Variants in TCERG1L observed in about 807,000 individuals in gnomAD.
TCERG1L encodes the protein transcription elongation regulator 1-like protein.
TCERG1L carries 37 observed loss-of-function variants against 56.3 expected under a neutral mutation model. That is an observed-to-expected ratio of 0.66 (90% CI 0.51 to 0.87). The LOEUF (loss-of-function observed/expected upper bound fraction) is 0.87. Among genes scored for constraint, TCERG1L ranks in the 40% least tolerant of loss-of-function variants. TCERG1L has a pLI of 0.00. For synonymous variants in TCERG1L, 324 were observed against 326.3 expected, an observed-to-expected ratio of 0.99 and a Z score of 0.08; for missense variants, 799 against 774.2, an observed-to-expected ratio of 1.03 and a Z score of -0.38.
chr10:131,201,961 T>C (rs1042288028), intron 4 of TCERG1L, among the ~76,000 whole-genome samples: 5 of 152,212 alleles, frequency 3.3e-5, no homozygotes, highest in Non-Finnish European at 4.4e-5. Flanking sequence ...CAGGGCCACG[T>C]GGGGGTCACG....
intron 7 of TCERG1L, among the ~76,000 whole-genome samples, chr10:131,136,589 G>C (rs545343400): frequency 6.6e-6 from 1 of 151,976 alleles, no homozygotes; most frequent in African/African-American, 2.4e-5. Flanking sequence ...TCCACTTTCC[G>C]GGCTCAAGCA....
chr10:131,095,563 A>G (rs1845237198), intron 11 of TCERG1L: 1 of 152,226 alleles, frequency 6.6e-6, no homozygotes, highest in South Asian at 2.1e-4. Flanking sequence ...TGCCTACAGA[A>G]AAGTATACAG....
chr10:131,289,924 T>C (rs2918120), intron 3 of TCERG1L, among the ~76,000 whole-genome samples: 2 of 6,148 alleles, frequency 3.3e-4, no homozygotes, highest in Non-Finnish European at 5.0e-4. Context: ...ATGTGTGCAC[T>C]GCTGTGTGTG....
intron 4 of TCERG1L, among the ~76,000 whole-genome samples, chr10:131,258,877 T>G (rs1358237259): frequency 6.6e-6 from 1 of 152,198 alleles, no homozygotes; most frequent in Non-Finnish European, 1.5e-5. Context: ...AGCTTTTGGT[T>G]CTAAGATTAA....
intron 4 of TCERG1L, among the ~76,000 whole-genome samples, chr10:131,255,756 C>CA (rs1268924647): frequency 6.6e-6 from 1 of 152,208 alleles, no homozygotes; most frequent in Non-Finnish European, 1.5e-5. Flanking sequence ...CGCGAGGTCC[C>CA]AGGAGCATCG....
intron 4 of TCERG1L, among the ~76,000 whole-genome samples, chr10:131,250,585 A>T (rs1033700419): frequency 6.6e-6 from 1 of 152,124 alleles, no homozygotes; most frequent in Admixed American, 6.5e-5. Context: ...GCTGTCACTC[A>T]TCGCTTGCCT....
At chr10:131,277,063 A>G (rs1026264981) in intron 3 of TCERG1L, among the ~76,000 whole-genome samples, 20 of 152,194 alleles carry the variant, frequency 1.3e-4, no homozygotes, top group Non-Finnish European at 2.8e-4. Flanking sequence ...TGCTATCCTA[A>G]GCGAGACGAG....
chr10:131,277,774 G>A (rs1226870634), intron 3 of TCERG1L, among the ~76,000 whole-genome samples: 1 of 152,184 alleles, frequency 6.6e-6, no homozygotes, highest in Non-Finnish European at 1.5e-5. Context: ...GATGAGCCCT[G>A]AGGACATCTG....
intron 4 of TCERG1L, among the ~76,000 whole-genome samples, chr10:131,213,881 G>A (rs1320218452): frequency 2.0e-5 from 3 of 152,154 alleles, no homozygotes; most frequent in Non-Finnish European, 4.4e-5. Flanking sequence ...CGGCCCAGCA[G>A]GAAACCCTGT....
chr10:131,299,214 C>T (rs1846731428), intron 3 of TCERG1L, among the ~76,000 whole-genome samples: 1 of 152,060 alleles, frequency 6.6e-6, no homozygotes. Flanking sequence ...ACTCTGTCTT[C>T]TTATAAAAAG....
chr10:131,159,923 C>T (rs1215594844), intron 6 of TCERG1L, among the ~76,000 whole-genome samples: 2 of 152,154 alleles, frequency 1.3e-5, no homozygotes, highest in Non-Finnish European at 2.9e-5. Context: ...GCAAACCCAC[C>T]CTCTGAGGTC....
chr10:131,247,862 T>C (rs1355027182), intron 4 of TCERG1L, among the ~76,000 whole-genome samples: 1 of 152,088 alleles, frequency 6.6e-6, no homozygotes, highest in East Asian at 1.9e-4. Flanking sequence ...TCACAAACAC[T>C]GTAAATTCAC....
In TCERG1L at chr10:131,113,637, G is replaced by C. The variant is rs1456682934; in HGVS notation, c.1395+3162C>G. The stretch of plus-strand genomic sequence containing the variant: ...TCACTCCATTGCAGACGTGGTACCA[G>C]GGCTCTCCTGTGTAGCCCACCACAG... On this transcript the variant is annotated intron_variant, in intron 9 of 11. Coordinates refer to ENST00000368642, the MANE Select transcript of TCERG1L (RefSeq NM_174937.4). Among the ~76,000 whole-genome samples the C allele has an allele frequency of 1.4e-5, 2 of 141,924 alleles. 1 individual carries two copies. Among genetic ancestry groups the C allele is most frequent in the Non-Finnish European group, 3.2e-5 (2 of 63,142 alleles). 93.1% of individuals were successfully genotyped at this position (141,924 alleles called of 152,430 possible). A position where few individuals can be genotyped will look rare whatever the true frequency, so the allele number is the denominator to read the frequency against.
At chr10:131,121,150 G>A (rs988551124) in intron 8 of TCERG1L, among the ~76,000 whole-genome samples, 1 of 152,154 alleles carries the variant, frequency 6.6e-6, no homozygotes, top group Non-Finnish European at 1.5e-5. Context: ...AACATGAGCA[G>A]GGAAGAGACA....
chr10:131,159,667 A>G (rs1269463095), intron 6 of TCERG1L, among the ~76,000 whole-genome samples: 1 of 149,524 alleles, frequency 6.7e-6, no homozygotes, highest in Non-Finnish European at 1.5e-5. Context: ...AATCAGGTGA[A>G]ATAGGCATAG....
In TCERG1L at chr10:131,146,656, C is replaced by T; in HGVS notation, c.1039G>A (p.Val347Met). The T allele has an allele frequency of 6.2e-7, 1 of 1,610,838 alleles. No individual in the cohort carries two copies. The highest frequency in any genetic ancestry group is 8.5e-7 in the Non-Finnish European group (1 of 1,178,264). ...STPVPGSPWC[V>M]VWTGDDRVFF... ...ACTCGGTCATCGCCCGTCCAGACCA[C>T]ACACCTGTTTGAGTGGAAAAACTCA... The change falls in exon 7 of 12, where the codon GTG becomes ATG. Residue 347 changes from valine to methionine, a missense_variant. By Grantham distance (21) the Val-to-Met change is conservative (BLOSUM62 1). Coordinates refer to ENST00000368642, the MANE Select transcript of TCERG1L (RefSeq NM_174937.4).
chr10:131,111,585 A>C lies in TCERG1L; in HGVS notation c.1395+5214T>G, dbSNP rs1564793826. ...TTTATGAGTGCAAACGTCCTAAGGA[A>C]GGAAGCAATCTGTCACAATTACCCT... On this transcript the variant is annotated intron_variant, in intron 9 of 11. Transcript: ENST00000368642. Among the ~76,000 whole-genome samples, 2 of 142,748 alleles carry C rather than the reference A, an allele frequency of 1.4e-5. 1 individual carries two copies. The highest frequency in any genetic ancestry group is 3.2e-5 in the Non-Finnish European group (2 of 63,458). 93.6% of individuals were successfully genotyped at this position (142,748 alleles called of 152,430 possible).
chr10:131,212,698 C>T (rs1326059995), intron 4 of TCERG1L, among the ~76,000 whole-genome samples: 1 of 152,194 alleles, frequency 6.6e-6, no homozygotes, highest in Non-Finnish European at 1.5e-5. Context: ...CCTGAGACTA[C>T]CAAATTAGTT....
At chr10:131,305,551 G>A (rs184441104) in intron 3 of TCERG1L, among the ~76,000 whole-genome samples, 5 of 152,138 alleles carry the variant, frequency 3.3e-5, no homozygotes, top group Admixed American at 3.3e-4. Context: ...CATCATTTGA[G>A]TTCATAGTAT....
Sources: allele counts gnomAD v4.1 joint callset (sites outside exome capture counted in the v4.1 genomes callset), GRCh38; gene constraint gnomAD v4.1.1; transcripts MANE v1.5; gene names NCBI Gene and HGNC (gene_info 2026-07-23, HGNC 2026-07-21).